Variants in SPATS2L observed in about 807,000 individuals in gnomAD.
SPATS2L encodes the protein spermatogenesis associated serine rich 2 like, also known as SPATS2-like protein.
A neutral mutation model predicts 59.6 loss-of-function variants in SPATS2L; 30 were observed. The ratio of observed to expected loss-of-function variants is 0.50; its 90% CI spans 0.38 to 0.68. The LOEUF (loss-of-function observed/expected upper bound fraction) is 0.68. Ranked by LOEUF, SPATS2L falls within the 30% of genes least tolerant of loss-of-function variation. The pLI, the probability that SPATS2L is intolerant of heterozygous loss-of-function variation, is 0.00. For missense variants in SPATS2L, 615 were observed against 700.0 expected, an observed-to-expected ratio of 0.88 and a Z score of 1.37; for synonymous variants, 252 against 263.5, an observed-to-expected ratio of 0.96 and a Z score of 0.42.
At chr2:200,466,627 C>T (rs767737618) in intron 9 of SPATS2L, among the ~76,000 whole-genome samples, 1 of 152,202 alleles carries the variant, frequency 6.6e-6, no homozygotes, top group Non-Finnish European at 1.5e-5. Flanking sequence ...CTAGTTCTAG[C>T]TGGCCTCACT....
chr2:200,364,595 C>T (rs1178885771), intron 2 of SPATS2L, among the ~76,000 whole-genome samples: 1 of 152,204 alleles, frequency 6.6e-6, no homozygotes, highest in African/African-American at 2.4e-5. Context: ...TATATCAACT[C>T]TCAGAAGATG....
chr2:200,414,588 C>T (rs1431121380), intron 4 of SPATS2L, among the ~76,000 whole-genome samples: 5 of 151,622 alleles, frequency 3.3e-5, no homozygotes, highest in African/African-American at 1.2e-4. Flanking sequence ...CATGTTTGCA[C>T]CACTGCACTC....
intron 2 of SPATS2L, among the ~76,000 whole-genome samples, chr2:200,373,625 T>A (rs1242280717): frequency 1.3e-5 from 2 of 152,202 alleles, no homozygotes; most frequent in African/African-American, 2.4e-5. Context: ...TTGGTGTTAG[T>A]CATCTCACAG....
rs189321981 is a variant in SPATS2L, at chr2:200,361,362, G to A, written c.-22-27861G>A. Among the ~76,000 whole-genome samples the A allele has an allele frequency of 2.3e-3, 346 of 152,224 alleles. 2 individuals are homozygous for A. Among genetic ancestry groups the A allele is most frequent in the African/African-American group, 7.4e-3 (308 of 41,548 alleles). On this transcript the variant is annotated intron_variant, in intron 2 of 12. Transcript: ENST00000409140. ...TGGAAGCCCTGGTCCCTGGATGAGG[G>A]ACCTTGTTGAGATAATCTCCATCCT...
At chr2:200,306,518 G>A (rs879060865), upstream of SPATS2L, 43 of 1,002,542 alleles carry the variant, frequency 4.3e-5, no homozygotes, top group South Asian at 1.6e-3. Flanking sequence ...GTGCGTGTGA[G>A]CGGATACAAA....
chr2:200,376,073 T>C (rs2081589407), intron 2 of SPATS2L, among the ~76,000 whole-genome samples: 1 of 152,200 alleles, frequency 6.6e-6, no homozygotes, highest in East Asian at 1.9e-4. Flanking sequence ...TTTCCATGTG[T>C]CTTCATTGAA....
chr2:200,398,567 CAA>C (rs2082424181), intron 3 of SPATS2L, among the ~76,000 whole-genome samples: 4 of 152,120 alleles, frequency 2.6e-5, no homozygotes, highest in Admixed American at 2.6e-4. Flanking sequence ...TATAAAGTAA[CAA>C]AGGGACATCA....
At chr2:200,321,198 C>T (rs1389130520) in intron 1 of SPATS2L, among the ~76,000 whole-genome samples, 1 of 151,998 alleles carries the variant, frequency 6.6e-6, no homozygotes, top group African/African-American at 2.4e-5. Context: ...TAAACTAGCT[C>T]TTGGTGGACC....
At chr2:200,465,221 C>G (rs1469399227) in intron 9 of SPATS2L, among the ~76,000 whole-genome samples, 1 of 152,218 alleles carries the variant, frequency 6.6e-6, no homozygotes, top group Non-Finnish European at 1.5e-5. Context: ...CTGACTCCAT[C>G]TAAAGAGGGC....
chr2:200,387,400 G>A (rs1484895534), intron 2 of SPATS2L, among the ~76,000 whole-genome samples: 3 of 152,198 alleles, frequency 2.0e-5, no homozygotes, highest in African/African-American at 7.2e-5. Context: ...CTGCTAGCAT[G>A]TCCAAATGCT....
chr2:200,452,282 A>G (rs979238498), intron 8 of SPATS2L, among the ~76,000 whole-genome samples: 1 of 152,250 alleles, frequency 6.6e-6, no homozygotes, highest in Admixed American at 6.5e-5. Flanking sequence ...AAACAGAGGA[A>G]TATAGATTTT....
chr2:200,469,674 A>T (rs1048551927), intron 10 of SPATS2L: 3 of 459,904 alleles, frequency 6.5e-6, no homozygotes, highest in African/African-American at 5.9e-5. Flanking sequence ...CACACATTTC[A>T]TGTAGGCCCA....
intron 2 of SPATS2L, among the ~76,000 whole-genome samples, chr2:200,371,173 A>G (rs1310418379): frequency 1.3e-5 from 2 of 152,218 alleles, no homozygotes; most frequent in Non-Finnish European, 2.9e-5. Context: ...ACATGTATAT[A>G]TGTATCTCAG....
intron 2 of SPATS2L, among the ~76,000 whole-genome samples, chr2:200,388,654 C>A (rs1302907788): frequency 7.5e-4 from 111 of 148,640 alleles, no homozygotes; most frequent in African/African-American, 2.5e-3. Flanking sequence ...AAGGAACAAC[C>A]CTGCAAAGAT....
intron 3 of SPATS2L, among the ~76,000 whole-genome samples, chr2:200,406,674 T>C (rs1475925416): frequency 1.3e-5 from 2 of 152,226 alleles, no homozygotes; most frequent in Non-Finnish European, 2.9e-5. Flanking sequence ...GATTGCTTCC[T>C]TCATAGCACT....
chr2:200,395,135 T>C (rs1192519348), intron 3 of SPATS2L, among the ~76,000 whole-genome samples: 1 of 152,226 alleles, frequency 6.6e-6, no homozygotes, highest in Non-Finnish European at 1.5e-5. Flanking sequence ...TTAGATTATT[T>C]CTGTGTAAAA....
rs914051724 is a variant in SPATS2L, at chr2:200,397,832, G to GA, written c.39+8558dup. Among the ~76,000 whole-genome samples the GA allele has an allele frequency of 4.1e-3, 613 of 150,202 alleles. 2 individuals are homozygous for GA. The highest frequency in any genetic ancestry group is 0.014 in the African/African-American group (565 of 40,936). ...GTGGGGGAAAAGATAGGTATAATTA[G>GA]AAAAAAAAACCCACATATTTGTTTT... is the stretch of plus-strand genomic sequence containing the variant. On this transcript the variant is annotated intron_variant, in intron 3 of 12. Transcript: ENST00000409140.
intron 8 of SPATS2L, among the ~76,000 whole-genome samples, chr2:200,447,553 G>A (rs2085132401): frequency 6.6e-6 from 1 of 152,190 alleles, no homozygotes; most frequent in South Asian, 2.1e-4. Flanking sequence ...TAGATGCTGT[G>A]ACAACAAGCA....
At chr2:200,393,270 T>TA in intron 3 of SPATS2L, 1 of 456,658 alleles carries the variant, frequency 2.2e-6, no homozygotes, top group Non-Finnish European at 4.4e-6. Flanking sequence ...GACAGACCAA[T>TA]ATGGTAGGCA....
Sources: allele counts gnomAD v4.1 joint callset (sites outside exome capture counted in the v4.1 genomes callset), GRCh38; gene constraint gnomAD v4.1.1; transcripts MANE v1.5; gene names NCBI Gene and HGNC (gene_info 2026-07-23, HGNC 2026-07-21).